The following OR6N1 variants were observed in gnomAD, a reference collection of about 807,000 sequenced individuals.
OR6N1 encodes the protein olfactory receptor family 6 subfamily N member 1.
For synonymous variants in OR6N1, 170 were observed against 150.7 expected (o/e 1.13, Z -0.94); for missense variants, 394 against 371.7 (o/e 1.06, Z -0.49).
chr1:158,766,863 C>A (rs1184296093), intron 1 of OR6N1, among the ~76,000 whole-genome samples, 163 bp from the exon 2 acceptor site: 1 of 152,164 alleles, frequency 6.6e-6, no homozygotes, highest in Non-Finnish European at 1.5e-5. Flanking sequence ...TCCCTCCCTG[C>A]CCTTCCTGTC....
intron 1 of OR6N1, 71 bp downstream of exon 1, chr1:158,771,950 C>T (rs1371602590): frequency 6.6e-6 from 1 of 152,178 alleles, no homozygotes; most frequent in African/African-American, 2.4e-5. Context: ...ATTTCTGAAT[C>T]CTCTAGGTCT....
the OR6N1 span, among the ~76,000 whole-genome samples, chr1:158,813,418 C>T: frequency 5.3e-5 from 8 of 151,940 alleles, no homozygotes; most frequent in South Asian, 1.2e-3. Context: ...AAACAAACAA[C>T]GGAAAACCAC....
chr1:158,777,710 TTCTC>T, the OR6N1 span: 2 of 884,778 alleles, frequency 2.3e-6, no homozygotes, highest in Non-Finnish European at 3.5e-6. Flanking sequence ...AAAACTTCAT[TTCTC>T]TCTCTCTCTT....
chr1:158,775,956 T>C (rs1383127868), upstream of OR6N1: 1 of 152,224 alleles, frequency 6.6e-6, no homozygotes, highest in Non-Finnish European at 1.5e-5. Context: ...GGAAGTTGAA[T>C]ATATAAATCT....
At chr1:158,777,259 AT>A in the OR6N1 span, 3 of 1,614,034 alleles carry the variant, frequency 1.9e-6, no homozygotes, top group African/African-American at 4.0e-5. Context: ...GGGCCGACAA[AT>A]GGCCAGGTAT....
the OR6N1 span, among the ~76,000 whole-genome samples, chr1:158,805,629 T>G: frequency 6.6e-6 from 1 of 152,044 alleles, no homozygotes; most frequent in Non-Finnish European, 1.5e-5. Flanking sequence ...CTGAACTTTA[T>G]GTTCTAAAGG....
At chr1:158,817,057 C>T in the OR6N1 span, among the ~76,000 whole-genome samples, 1 of 152,078 alleles carries the variant, frequency 6.6e-6, no homozygotes, top group Non-Finnish European at 1.5e-5. Flanking sequence ...ATAATCCTCT[C>T]TTAGAATGAA....
chr1:158,830,715 T>G, the OR6N1 span, among the ~76,000 whole-genome samples: 1 of 152,130 alleles, frequency 6.6e-6, no homozygotes, highest in Non-Finnish European at 1.5e-5. Context: ...CCATAAATAA[T>G]GCAAAAAGCA....
intron 1 of OR6N1, among the ~76,000 whole-genome samples, chr1:158,771,651 A>C (rs1038428532): frequency 6.6e-6 from 1 of 152,220 alleles, no homozygotes; most frequent in African/African-American, 2.4e-5. Flanking sequence ...GTTTAGGCAT[A>C]GGGCCAAAGA....
chr1:158,825,917 C>G, the OR6N1 span, among the ~76,000 whole-genome samples: 1 of 152,124 alleles, frequency 6.6e-6, no homozygotes, highest in South Asian at 2.1e-4. Flanking sequence ...AAATGTTGTA[C>G]ACATACACCA....
chr1:158,777,190 C>T, upstream of OR6N1: 1 of 1,613,990 alleles, frequency 6.2e-7, no homozygotes, highest in South Asian at 1.1e-5. Flanking sequence ...GCCACAAGTC[C>T]AACAAGCAGC....
chr1:158,787,562 T>G, the OR6N1 span, among the ~76,000 whole-genome samples: 1 of 151,494 alleles, frequency 6.6e-6, no homozygotes, highest in African/African-American at 2.4e-5. Context: ...GGCTTGCAGT[T>G]TAGCAAACCA....
the OR6N1 span, among the ~76,000 whole-genome samples, chr1:158,788,903 A>AT: frequency 6.6e-6 from 1 of 152,264 alleles, no homozygotes; most frequent in African/African-American, 2.4e-5. Context: ...GAAGGGCCTC[A>AT]TTTTAGCTTT....
chr1:158,806,247 C>T, the OR6N1 span, among the ~76,000 whole-genome samples: 1 of 152,148 alleles, frequency 6.6e-6, no homozygotes, highest in Non-Finnish European at 1.5e-5. Flanking sequence ...ACAGCATAGA[C>T]TTCTTGAAAG....
intron 1 of OR6N1, among the ~76,000 whole-genome samples, chr1:158,767,265 G>C (rs549837193): frequency 1.5e-4 from 23 of 152,018 alleles, no homozygotes; most frequent in Non-Finnish European, 2.6e-4. Context: ...GGGCATGTAG[G>C]TCAGAATTTA....
the OR6N1 span, among the ~76,000 whole-genome samples, chr1:158,835,285 T>C: frequency 3.9e-5 from 6 of 152,194 alleles, no homozygotes; most frequent in African/African-American, 1.4e-4. Flanking sequence ...ATTTGTGCCT[T>C]CTTTAATTCC....
chr1:158,777,213 A>C, the OR6N1 span: 1 of 1,614,150 alleles, frequency 6.2e-7, no homozygotes, highest in African/African-American at 1.3e-5. Flanking sequence ...CCATCTTGGC[A>C]CAGAGTGTGG....
At chr1:158,801,674 A>G in the OR6N1 span, among the ~76,000 whole-genome samples, 1 of 152,172 alleles carries the variant, frequency 6.6e-6, no homozygotes, top group Non-Finnish European at 1.5e-5. Context: ...AATGTTGTAT[A>G]AAGCCCCTCA....
chr1:158,810,903 T>C, the OR6N1 span, among the ~76,000 whole-genome samples: 36 of 150,894 alleles, frequency 2.4e-4, no homozygotes, highest in Non-Finnish European at 4.1e-4. Context: ...GTTTAATACA[T>C]GTGCGGTACA....
Sources: gnomAD v4.1 joint callset for allele counts (sites outside exome capture counted in the v4.1 genomes callset) on GRCh38, gnomAD v4.1.1 for gene constraint, MANE v1.5 for transcripts, NCBI Gene and HGNC (gene_info 2026-07-23, HGNC 2026-07-21) for gene names.